Variants in MIB1 observed in about 807,000 individuals in gnomAD.
The protein encoded by MIB1 is E3 ubiquitin-protein ligase MIB1.
MIB1 carries 278 observed loss-of-function variants against 124.5 expected under a neutral mutation model. That is an observed-to-expected ratio of 2.23 (90% CI 2.02 to 2.47). MIB1 has a LOEUF of 2.47. MIB1 is among the 30% of genes most tolerant of loss of function. The probability of loss-of-function intolerance (pLI) is 0.00; values close to 1 mark genes in which losing one functional copy is unlikely to be tolerated. For synonymous variants in MIB1, 446 were observed against 429.4 expected, an observed-to-expected ratio of 1.04 and a Z score of -0.48; for missense variants, 957 against 1,254.4, an observed-to-expected ratio of 0.76 and a Z score of 3.58.
chr18:21,777,405 TCA>T (rs966584327), intron 4 of MIB1, among the ~76,000 whole-genome samples: 2 of 152,020 alleles, frequency 1.3e-5, no homozygotes, highest in African/African-American at 2.4e-5. Context: ...CAAGACTCTG[TCA>T]CACACACACA....
intron 9 of MIB1, among the ~76,000 whole-genome samples, chr18:21,802,021 G>A (rs1480895395): frequency 2.6e-5 from 4 of 152,122 alleles, no homozygotes; most frequent in Admixed American, 2.6e-4. Flanking sequence ...ATGGGAAATA[G>A]ACCTTTAATA....
intron 3 of MIB1, among the ~76,000 whole-genome samples, chr18:21,773,037 G>A (rs1399624383): frequency 6.6e-6 from 1 of 152,054 alleles, no homozygotes; most frequent in African/African-American, 2.4e-5. Flanking sequence ...AGGCCTAGAC[G>A]GGCAGATCAC....
chr18:21,771,854 G>C (rs2041227313), intron 3 of MIB1, among the ~76,000 whole-genome samples: 1 of 151,756 alleles, frequency 6.6e-6, no homozygotes. Context: ...ACGAAAATTA[G>C]CCGGGCATGG....
At chr18:21,833,912 G>GA (rs1198151216) in intron 12 of MIB1, among the ~76,000 whole-genome samples, 2 of 152,064 alleles carry the variant, frequency 1.3e-5, no homozygotes, top group African/African-American at 4.8e-5. Context: ...TAACCTCTTG[G>GA]AAAACAACCA....
At chr18:21,798,696 A>G (rs2041614478) in intron 8 of MIB1, among the ~76,000 whole-genome samples, 1 of 152,058 alleles carries the variant, frequency 6.6e-6, no homozygotes, top group Non-Finnish European at 1.5e-5. Context: ...GAGTTGTTAT[A>G]CATGCTACCG....
intron 1 of MIB1, among the ~76,000 whole-genome samples, chr18:21,705,505 T>C (rs1392359351): frequency 1.3e-5 from 2 of 152,024 alleles, no homozygotes; most frequent in Non-Finnish European, 2.9e-5. Context: ...CTAGGCTTAT[T>C]TATGGCAATA....
At chr18:21,794,825 T>C (rs1329316003) in intron 7 of MIB1, among the ~76,000 whole-genome samples, 1 of 152,116 alleles carries the variant, frequency 6.6e-6, no homozygotes, top group East Asian at 1.9e-4. Flanking sequence ...AAGGAAAGAA[T>C]ATAAGCTGAA....
In MIB1 at chr18:21,741,435, C is replaced by G. The variant is rs985895324; in HGVS notation, c.-149C>G. ...GGGCTCCGCGGGGACCGCGCCGCCG[C>G]CCCCGTGAGTTATTCTCACGTCCCC... On this transcript the variant is annotated 5_prime_UTR_variant, in exon 1 of 21. Transcript: ENST00000261537. This position sits in a 1 kb window ranked among gnomAD's most constrained non-coding sequence, Gnocchi z 5.4. The G allele has an allele frequency of 9.3e-5, 33 of 354,430 alleles. No homozygotes were observed. The highest frequency in any genetic ancestry group is 1.3e-4 in the Non-Finnish European group (28 of 215,974). 22.0% of individuals were successfully genotyped at this position (354,430 alleles called of 1,614,324 possible). A position where few individuals can be genotyped will look rare whatever the true frequency, so the allele number is the denominator to read the frequency against.
At chr18:21,791,180 T>TAA (rs373544864) in intron 6 of MIB1, among the ~76,000 whole-genome samples, 194 bp from the exon 7 acceptor site, 4 of 128,676 alleles carry the variant, frequency 3.1e-5, no homozygotes, top group Admixed American at 8.0e-5. Flanking sequence ...AGACTCTGTC[T>TAA]AAAAAAAAAA....
At position 21,864,950 on chromosome 18, in the gene MIB1, A is replaced by T. The variant is rs1203195627; in HGVS notation, c.*284A>T. On this transcript the variant is annotated 3_prime_UTR_variant, in exon 21 of 21. Coordinates refer to ENST00000261537, the MANE Select transcript of MIB1 (RefSeq NM_020774.4). ...AAGTCCTTTAAGGATATCCTTTTTT[A>T]AAAAATTGCATTTTTCTCTTATAAT... The T allele has an allele frequency of 8.6e-6, 2 of 231,830 alleles. No individual in the cohort carries two copies. Among genetic ancestry groups the T allele is most frequent in the Non-Finnish European group, 1.7e-5 (2 of 121,100 alleles). 14.4% of individuals were successfully genotyped at this position (231,830 alleles called of 1,614,324 possible). A position where few individuals can be genotyped will look rare whatever the true frequency, so the allele number is the denominator to read the frequency against.
chr18:21,824,948 G>C (rs1284540027), intron 12 of MIB1, among the ~76,000 whole-genome samples: 4 of 151,918 alleles, frequency 2.6e-5, no homozygotes. Context: ...TTTTTTATAA[G>C]GGACAAAGAA....
intron 5 of MIB1, 50 bp from the exon 6 acceptor site, chr18:21,779,431 T>C: frequency 7.0e-7 from 1 of 1,421,360 alleles, no homozygotes; most frequent in South Asian, 1.2e-5. Flanking sequence ...CAGCTGCCTG[T>C]TGTTGTGAGG....
chr18:21,860,466 C>A (rs944637317), intron 20 of MIB1, among the ~76,000 whole-genome samples: 13 of 151,932 alleles, frequency 8.6e-5, no homozygotes, highest in African/African-American at 2.9e-4. Flanking sequence ...TTAATAAAAG[C>A]AACAATAAGA....
intron 20 of MIB1, among the ~76,000 whole-genome samples, chr18:21,864,021 A>C (rs2042299260): frequency 6.6e-6 from 1 of 152,116 alleles, no homozygotes; most frequent in Non-Finnish European, 1.5e-5. Context: ...AAAGAAAGAA[A>C]GAACCAATTG....
chr18:21,767,070 T>A (rs1365563720), intron 2 of MIB1, among the ~76,000 whole-genome samples: 2 of 152,202 alleles, frequency 1.3e-5, no homozygotes, highest in Non-Finnish European at 2.9e-5. Context: ...TCTGTAAGTA[T>A]GTAGTACTGT....
chr18:21,769,660 A>C (rs2041203528), intron 3 of MIB1, among the ~76,000 whole-genome samples: 2 of 152,178 alleles, frequency 1.3e-5, no homozygotes, highest in Non-Finnish European at 2.9e-5. Flanking sequence ...CTTTTGAAAG[A>C]GTATGTGAGA....
chr18:21,733,735 C>T (rs563300367), intron 1 of MIB1, among the ~76,000 whole-genome samples: 23 of 151,758 alleles, frequency 1.5e-4, no homozygotes, highest in African/African-American at 3.9e-4. Context: ...GATGGAGTTT[C>T]GCTCTTGTCA....
chr18:21,841,003 A>C (rs1432151742), intron 13 of MIB1, among the ~76,000 whole-genome samples: 2 of 152,150 alleles, frequency 1.3e-5, no homozygotes, highest in Non-Finnish European at 2.9e-5. Flanking sequence ...TAAGAAAACA[A>C]ATAGGAAAGC....
chr18:21,780,381 C>A (rs2041345976), intron 6 of MIB1, among the ~76,000 whole-genome samples: 1 of 152,094 alleles, frequency 6.6e-6, no homozygotes, highest in African/African-American at 2.4e-5. Context: ...CTCACTCATC[C>A]CCCCCTTTCT....
Sources: allele counts gnomAD v4.1 joint callset (sites outside exome capture counted in the v4.1 genomes callset), GRCh38; gene constraint gnomAD v4.1.1; non-coding constraint Gnocchi (gnomAD v3.1); transcripts MANE v1.5; gene names NCBI Gene and HGNC (gene_info 2026-07-23, HGNC 2026-07-21).